The following GREB1 variants were observed in gnomAD, a reference collection of about 807,000 sequenced individuals.
GREB1 encodes the protein protein GREB1.
In GREB1, 106 loss-of-function variants were observed where a neutral mutation model predicts 200.7. The observed-to-expected ratio is 0.53, with a 90% CI of 0.45 to 0.62. The LOEUF is 0.62. Among genes scored for constraint, GREB1 ranks in the 20% least tolerant of loss-of-function variants. GREB1 has a pLI of 0.00. For synonymous variants in GREB1, 1,132 were observed against 1,092.4 expected (o/e 1.04, Z -0.72); for missense variants, 2,243 against 2,556.8 (o/e 0.88, Z 2.65).
chr2:11,558,391 G>A (rs1676647937), intron 2 of GREB1, among the ~76,000 whole-genome samples: 2 of 152,218 alleles, frequency 1.3e-5, no homozygotes, highest in Admixed American at 6.5e-5. Context: ...CTTATCTGCT[G>A]TTGGACATGT....
intron 1 of GREB1, among the ~76,000 whole-genome samples, chr2:11,549,972 A>G (rs1675648553): frequency 6.6e-6 from 1 of 152,156 alleles, no homozygotes; most frequent in South Asian, 2.1e-4. Flanking sequence ...TAATCCCAGC[A>G]CTTTGGGAGG....
chr2:11,534,910 G>A (rs777594636), intron 1 of GREB1, among the ~76,000 whole-genome samples: 16 of 152,168 alleles, frequency 1.1e-4, no homozygotes, highest in Non-Finnish European at 2.1e-4. Flanking sequence ...CACAGGGGGC[G>A]CTGGTGTCTG....
chr2:11,624,712 A>G (rs1311890725), intron 23 of GREB1, among the ~76,000 whole-genome samples: 1 of 152,224 alleles, frequency 6.6e-6, no homozygotes, highest in Non-Finnish European at 1.5e-5. Context: ...CTTGCTGTAT[A>G]TAGCAACCTT....
In GREB1 at chr2:11,592,886, T is replaced by G; in HGVS notation, c.1456T>G (p.Phe486Val). ...GTACCAGCAGGCGCCGCCGCAGCCC[T>G]TCCCGCCCGCGCCCAGCGCCGCGGC... ...RQYQQAPPQP[F>V]PPAPSAAAPV... Residue 486 changes from phenylalanine (F) to valine (V), a missense_variant, in exon 11 of 33, where the codon TTC becomes GTC. By Grantham distance (50) the Phe-to-Val change is conservative. This residue lies in a region of GREB1 where 1,178 missense variants were observed against 1,387.4 expected (regional missense o/e 0.85). Coordinates refer to ENST00000381486, the MANE Select transcript of GREB1 (RefSeq NM_014668.4). 6.3e-7 allele frequency: 1 copy of G among 1,599,044 alleles called. No individual in the cohort carries two copies. The highest frequency in any genetic ancestry group is 8.5e-7 in the Non-Finnish European group (1 of 1,173,902).
At chr2:11,507,459 G>T (rs1673216494) in intron 1 of GREB1, among the ~76,000 whole-genome samples, 1 of 150,060 alleles carries the variant, frequency 6.7e-6, no homozygotes, top group South Asian at 2.1e-4. Context: ...AATAATAATA[G>T]CATCAAAAGT....
chr2:11,630,830 G>C (rs1684819410), intron 26 of GREB1, among the ~76,000 whole-genome samples: 1 of 152,176 alleles, frequency 6.6e-6, no homozygotes, highest in South Asian at 2.1e-4. Flanking sequence ...GTTTGACGGT[G>C]CTCACCTGAT....
chr2:11,487,146 C>T (rs1672673921), intron 1 of GREB1, among the ~76,000 whole-genome samples: 1 of 152,158 alleles, frequency 6.6e-6, no homozygotes, highest in South Asian at 2.1e-4. Flanking sequence ...CAGTATTTCG[C>T]TAGTGGATGC....
chr2:11,508,594 CCAAGAA>C (rs1250816421), intron 1 of GREB1, among the ~76,000 whole-genome samples: 2 of 152,128 alleles, frequency 1.3e-5, no homozygotes, highest in Non-Finnish European at 2.9e-5. Flanking sequence ...CATAATCCTC[CCAAGAA>C]CAAACAGTCA....
At chr2:11,593,224 G>A in intron 11 of GREB1, 98 bp downstream of exon 11, 1 of 842,474 alleles carries the variant, frequency 1.2e-6, no homozygotes, top group Non-Finnish European at 1.8e-6. Context: ...GGGTGGCCCG[G>A]GTTTGCAGCA....
At chr2:11,590,477 A>T (rs2148166719) in intron 10 of GREB1, among the ~76,000 whole-genome samples, 1 of 152,040 alleles carries the variant, frequency 6.6e-6, no homozygotes, top group Admixed American at 6.5e-5. Flanking sequence ...GGCATCCCAC[A>T]CTTGCTGTTC....
chr2:11,619,919 T>G (rs1364094603), intron 22 of GREB1, among the ~76,000 whole-genome samples: 1 of 152,252 alleles, frequency 6.6e-6, no homozygotes, highest in Admixed American at 6.5e-5. Flanking sequence ...AGTTGTAGCA[T>G]GAACCAAGCA....
Position 11,626,991 on chromosome 2 carries a change from C to A in GREB1, c.4336C>A (p.Leu1446Ile). ...AGGGATGTCCCGGAAGCCGGAGGAC[C>A]TTTATGTGCGGCGTCAGACGGCACG... ...DRGMSRKPEDLYVRRQTARMR... is the reference protein window; with the variant it reads ...DRGMSRKPEDIYVRRQTARMR... The change falls in exon 25 of 33, where the codon CTT becomes ATT. Residue 1446 changes from leucine to isoleucine, a missense_variant. Coordinates refer to ENST00000381486, the MANE Select transcript of GREB1 (RefSeq NM_014668.4). 6.2e-7 allele frequency: 1 copy of A among 1,614,148 alleles called. No individual in the cohort carries two copies. Among genetic ancestry groups the A allele is most frequent in the Non-Finnish European group, 8.5e-7 (1 of 1,179,988 alleles).
At chr2:11,558,201 T>C (rs1016743787) in intron 2 of GREB1, among the ~76,000 whole-genome samples, 1 of 152,114 alleles carries the variant, frequency 6.6e-6, no homozygotes, top group African/African-American at 2.4e-5. Flanking sequence ...AGCTCTGAGA[T>C]AAAAAGGGGA....
Position 11,492,439 on chromosome 2 carries a change from G to A in GREB1, c.-159+10058G>A, listed in dbSNP as rs1672792843. On this transcript the variant is annotated intron_variant, in intron 1 of 2. Transcript: ENST00000628795. The surrounding 1 kb of genome is among the most constrained non-coding windows in gnomAD (Gnocchi z 4.0). ...TACAGAATTTCCGCAAAAGGAGGAC[G>A]ATAAATTGGGAGCTCAGCTGTGTTA... is the stretch of plus-strand genomic sequence containing the variant. Among the ~76,000 whole-genome samples the A allele has an allele frequency of 6.6e-6, 1 of 152,226 alleles. No individual in the cohort carries two copies. The highest frequency in any genetic ancestry group is 2.4e-5 in the African/African-American group (1 of 41,474).
rs1680433305 is a variant in GREB1 at position 11,588,790 on chromosome 2, G to A, written c.1204G>A (p.Val402Met). 6.2e-6 allele frequency: 10 copies of A among 1,614,066 alleles called. No individual in the cohort carries two copies. The highest frequency in any genetic ancestry group is 3.3e-5 in the Admixed American group (2 of 60,004). Reference sequence around the variant, plus strand: ...CCTCTGTGGGAACCTGAATGACGTCGTGGTCAGCCCCCTCTTGTACACGTG... The same window carrying A: ...CCTCTGTGGGAACCTGAATGACGTCATGGTCAGCCCCCTCTTGTACACGTG... The part of the protein sequence containing the change: ...PYLCGNLNDV[V>M]VSPLLYTCYQ... Residue 402 changes from valine (V) to methionine (M), a missense_variant, in exon 10 of 33, where the codon GTG (valine) becomes ATG (methionine). Physicochemically the swap from Val to Met is conservative, Grantham distance 21. Coordinates refer to ENST00000381486, the MANE Select transcript of GREB1 (RefSeq NM_014668.4).
At position 11,627,064 on chromosome 2, in the gene GREB1, A is replaced by T. The variant is rs761175495; in HGVS notation, c.4409A>T (p.Glu1470Val). ...GCGTACAACACTTACCACCACTGTGAGCAGTGCCACCAGTACATGGGCTTC... is the reference window on the plus strand; with the variant it reads ...GCGTACAACACTTACCACCACTGTGTGCAGTGCCACCAGTACATGGGCTTC... ...YAAYNTYHHCEQCHQYMGFHP... is the reference protein window; with the variant it reads ...YAAYNTYHHCVQCHQYMGFHP... Residue 1470 changes from glutamate (E) to valine (V), a missense_variant, in exon 25 of 33, where the codon GAG becomes GTG. Physicochemically the swap from Glu to Val is moderately radical, Grantham distance 121 (BLOSUM62 -2). Coordinates refer to ENST00000381486, the MANE Select transcript of GREB1 (RefSeq NM_014668.4). 1.4e-5 allele frequency: 22 copies of T among 1,613,180 alleles called. No homozygotes were observed. Among genetic ancestry groups the T allele is most frequent in the Non-Finnish European group, 8.5e-7 (1 of 1,179,408 alleles).
chr2:11,550,112 G>A (rs1045732524), intron 1 of GREB1, among the ~76,000 whole-genome samples: 3 of 152,122 alleles, frequency 2.0e-5, no homozygotes, highest in African/African-American at 7.2e-5. Context: ...CCAGCTACTC[G>A]GAGGCTGAGG....
At chr2:11,564,130 T>C (rs1166785352) in intron 3 of GREB1, among the ~76,000 whole-genome samples, 1 of 152,162 alleles carries the variant, frequency 6.6e-6, no homozygotes, top group African/African-American at 2.4e-5. Context: ...TTGGAGGAAC[T>C]ACTAGCAGAT....
At chr2:11,560,666 A>G (rs1676926393) in intron 2 of GREB1, among the ~76,000 whole-genome samples, 1 of 151,466 alleles carries the variant, frequency 6.6e-6, no homozygotes, top group African/African-American at 2.4e-5. Flanking sequence ...GCACCATTTT[A>G]CTCCAGTGTG....
Sources: allele counts gnomAD v4.1 joint callset (sites outside exome capture counted in the v4.1 genomes callset), GRCh38; gene constraint gnomAD v4.1.1; regional missense constraint gnomAD v4.1.1; non-coding constraint Gnocchi (gnomAD v3.1); transcripts MANE v1.5; gene names NCBI Gene and HGNC (gene_info 2026-07-23, HGNC 2026-07-21).